PCDH9: variants seen among roughly 807,000 people sequenced by gnomAD.
PCDH9 encodes the protein protocadherin 9, also known as protocadherin-9.
In PCDH9, 24 loss-of-function variants were observed where a neutral mutation model predicts 70.6. The observed-to-expected ratio is 0.34, with a 90% confidence interval of 0.25 to 0.48. The LOEUF (loss-of-function observed/expected upper bound fraction) is 0.48. Ranked by LOEUF, PCDH9 falls within the 20% of genes least tolerant of loss-of-function variation. PCDH9 has a pLI of 0.99. For missense variants in PCDH9, 1,281 were observed against 1,503.6 expected (o/e 0.85, Z 2.45); for synonymous variants, 562 against 558.5 (o/e 1.01, Z -0.09).
intron 3 of PCDH9, among the ~76,000 whole-genome samples, chr13:66,854,637 T>A (rs772832071): frequency 1.3e-5 from 2 of 152,048 alleles, no homozygotes; most frequent in Non-Finnish European, 2.9e-5. Context: ...TTTTTTTGTA[T>A]GTTTTTGCTT....
intron 4 of PCDH9, among the ~76,000 whole-genome samples, chr13:66,418,031 T>C (rs377365668): frequency 3.9e-5 from 6 of 152,212 alleles, no homozygotes; most frequent in African/African-American, 9.6e-5. Context: ...TTTGTCAATT[T>C]TGGCTTTTGT....
At chr13:66,356,397 C>T (rs1010651086) in intron 4 of PCDH9, among the ~76,000 whole-genome samples, 4 of 151,936 alleles carry the variant, frequency 2.6e-5, no homozygotes, top group Non-Finnish European at 4.4e-5. Context: ...CTTTCTTTTC[C>T]AACATCTATC....
chr13:66,964,224 C>T (rs989578189), intron 2 of PCDH9, among the ~76,000 whole-genome samples: 4 of 151,862 alleles, frequency 2.6e-5, no homozygotes, highest in Non-Finnish European at 5.9e-5. Context: ...ATAATGCTGT[C>T]TAATGCATAT....
chr13:67,186,526 A>C (rs143138401), intron 2 of PCDH9, among the ~76,000 whole-genome samples: 68 of 152,254 alleles, frequency 4.5e-4, no homozygotes, highest in African/African-American at 1.6e-3. Context: ...GCTAATGCAA[A>C]TGCTTCTGGT....
chr13:66,379,275 G>C lies in PCDH9; in HGVS notation c.3341-74247C>G, dbSNP rs74317338. Among the ~76,000 whole-genome samples the C allele has an allele frequency of 2.8e-4, 43 of 152,176 alleles. No homozygotes were observed. The East Asian group carries it at 6.8e-3, about 24-fold the overall frequency. On this transcript the variant is annotated intron_variant, in intron 4 of 4. Transcript: ENST00000377865. ...ACAGCTGAGTGCAACTTACAAACAG[G>C]TTTTTCGGAGTGAAAATATGATTGC...
chr13:66,469,487 A>C (rs1047704147), intron 4 of PCDH9, among the ~76,000 whole-genome samples: 4 of 150,650 alleles, frequency 2.7e-5, no homozygotes, highest in Admixed American at 2.6e-4. Context: ...GAAGGAAGGA[A>C]TAGAAGGAGG....
chr13:66,341,711 T>C lies in PCDH9; in HGVS notation c.3341-36683A>G, dbSNP rs544450057. Among the ~76,000 whole-genome samples the C allele has an allele frequency of 4.2e-4, 64 of 150,880 alleles. 2 individuals carry two copies. The highest frequency in any genetic ancestry group is 3.6e-3 in the South Asian group (17 of 4,664). ...TATTCTGGGGTATAAGGTGTACACT[T>C]GCACTGAGCTGGTTTGCTAGAACTA... On this transcript the variant is annotated intron_variant, in intron 4 of 4. Coordinates refer to ENST00000377865, the MANE Select transcript of PCDH9 (RefSeq NM_203487.3).
At chr13:67,004,820 A>G (rs897148906) in intron 2 of PCDH9, among the ~76,000 whole-genome samples, 2 of 152,044 alleles carry the variant, frequency 1.3e-5, no homozygotes, top group African/African-American at 4.8e-5. Flanking sequence ...GAATGATTAA[A>G]TGAGATATTT....
At chr13:67,115,611 C>A (rs1236579829) in intron 2 of PCDH9, among the ~76,000 whole-genome samples, 1 of 152,154 alleles carries the variant, frequency 6.6e-6, no homozygotes, top group African/African-American at 2.4e-5. Flanking sequence ...GTTAGTAATG[C>A]AAATAATTTC....
chr13:67,034,911 GAT>G (rs891448189), intron 2 of PCDH9, among the ~76,000 whole-genome samples: 3 of 151,166 alleles, frequency 2.0e-5, no homozygotes, highest in African/African-American at 7.3e-5. Context: ...AGCCAAGAAT[GAT>G]ACATCATGCC....
chr13:66,371,068 T>C (rs1472407343), intron 4 of PCDH9, among the ~76,000 whole-genome samples: 1 of 152,118 alleles, frequency 6.6e-6, no homozygotes, highest in East Asian at 1.9e-4. Flanking sequence ...ATCATAAATG[T>C]TCCCTTTTGA....
At chr13:66,395,364 A>T (rs570241744) in intron 4 of PCDH9, among the ~76,000 whole-genome samples, 134 of 152,244 alleles carry the variant, frequency 8.8e-4, no homozygotes, top group African/African-American at 3.0e-3. Flanking sequence ...GCACTTTGGG[A>T]GTCCGAGGCA....
chr13:66,354,783 G>A (rs1956351364), intron 4 of PCDH9, among the ~76,000 whole-genome samples: 1 of 152,008 alleles, frequency 6.6e-6, no homozygotes, highest in Non-Finnish European at 1.5e-5. Context: ...ATATTTTTAT[G>A]ACATTTAGGA....
At chr13:66,797,388 G>C (rs1225529894) in intron 3 of PCDH9, among the ~76,000 whole-genome samples, 1 of 152,056 alleles carries the variant, frequency 6.6e-6, no homozygotes, top group East Asian at 1.9e-4. Context: ...ATTCCAATTA[G>C]ACTCCAGCAC....
rs1296508189 is a variant in PCDH9 at position 66,918,427 on chromosome 13, T to C, written c.3037-14822A>G. The stretch of plus-strand genomic sequence containing the variant: ...ATTGACTTTTATAATTGTAACATTA[T>C]ACATTATTAAGACTCTCTTTTTAAA... On this transcript the variant is annotated intron_variant, in intron 2 of 4. Coordinates refer to ENST00000377865, the MANE Select transcript of PCDH9 (RefSeq NM_203487.3). Among the ~76,000 whole-genome samples the C allele has an allele frequency of 9.9e-5, 15 of 151,358 alleles. No individual in the cohort carries two copies. The Admixed American group carries it at 9.9e-4, about 10-fold the overall frequency.
At chr13:66,920,919 T>G (rs540602131) in intron 2 of PCDH9, among the ~76,000 whole-genome samples, 6 of 151,274 alleles carry the variant, frequency 4.0e-5, no homozygotes, top group Non-Finnish European at 8.9e-5. Context: ...TCTGAAATTA[T>G]AGTAAAACCA....
chr13:66,519,225 A>G (rs941953699), intron 4 of PCDH9, among the ~76,000 whole-genome samples: 4 of 152,166 alleles, frequency 2.6e-5, no homozygotes, highest in African/African-American at 9.7e-5. Flanking sequence ...TGTAAGAATT[A>G]AATAAATTTA....
chr13:67,150,331 C>T (rs997095420), intron 2 of PCDH9, among the ~76,000 whole-genome samples: 1 of 152,196 alleles, frequency 6.6e-6, no homozygotes, highest in Admixed American at 6.5e-5. Context: ...GCCACTGTGC[C>T]TGGCCCATAA....
At chr13:66,645,983 CA>C (rs1280393183) in intron 3 of PCDH9, among the ~76,000 whole-genome samples, 2 of 152,200 alleles carry the variant, frequency 1.3e-5, no homozygotes. Context: ...GGCTACAATT[CA>C]AAGTCCCACT....
Sources: gnomAD v4.1 joint callset for allele counts (sites outside exome capture counted in the v4.1 genomes callset) on GRCh38, gnomAD v4.1.1 for gene constraint, MANE v1.5 for transcripts, NCBI Gene and HGNC (gene_info 2026-07-23, HGNC 2026-07-21) for gene names.